SLC6A20: variants seen among roughly 807,000 people sequenced by gnomAD.
SLC6A20 encodes sodium- and chloride-dependent transporter XTRP3.
A neutral mutation model predicts 64.3 loss-of-function variants in SLC6A20; 73 were observed. That is an observed-to-expected ratio of 1.14 (90% CI 0.94 to 1.38). The LOEUF is 1.38. Among genes scored for constraint, SLC6A20 ranks in the 40% most tolerant of loss-of-function variants. The probability of loss-of-function intolerance (pLI) is 0.00; values close to 1 mark genes in which losing one functional copy is unlikely to be tolerated. For synonymous variants in SLC6A20, 347 were observed against 329.6 expected (o/e 1.05, Z -0.57); for missense variants, 725 against 772.8 (o/e 0.94, Z 0.73).
intron 8 of SLC6A20, among the ~76,000 whole-genome samples, chr3:45,764,566 A>G (rs1699741223): frequency 6.6e-6 from 1 of 152,084 alleles, no homozygotes; most frequent in African/African-American, 2.4e-5. Context: ...GCCAGGCATC[A>G]TGGTGTGCAC....
chr3:45,780,037 G>T lies in SLC6A20; in HGVS notation c.326C>A (p.Ala109Asp), dbSNP rs766752279. Reference protein sequence around the residue: ...SMYYNVINAWAFWYLFHSFQD... With the variant: ...SMYYNVINAWDFWYLFHSFQD... ...GAAGGAGTGGAAGAGGTACCAGAAG[G>T]CCCAGGCGTTGATGACGTTGTAGTA... The change falls in exon 3 of 11, where the codon GCC becomes GAC. Residue 109 changes from alanine to aspartate, a missense_variant. Physicochemically the swap from Ala to Asp is moderately radical, Grantham distance 126. Transcript: ENST00000358525. 20 of 1,604,954 alleles carry T rather than the reference G, an allele frequency of 1.2e-5. No homozygotes were observed. Among genetic ancestry groups the T allele is most frequent in the Admixed American group, 1.2e-4 (7 of 58,996 alleles).
At chr3:45,773,418 T>A (rs1185255655) in intron 4 of SLC6A20, among the ~76,000 whole-genome samples, 1 of 152,214 alleles carries the variant, frequency 6.6e-6, no homozygotes, top group Non-Finnish European at 1.5e-5. Flanking sequence ...TTTGTTAATA[T>A]CTTTGGTGTT....
In SLC6A20 at chr3:45,796,371, C is replaced by T; in HGVS notation, c.49G>A (p.Ala17Thr). Residue 17 changes from alanine to threonine, a missense_variant, in exon 1 of 11, where the codon GCC (alanine) becomes ACC (threonine). Ala to Thr is a moderately conservative substitution (Grantham distance 58). Coordinates refer to ENST00000358525, the MANE Select transcript of SLC6A20 (RefSeq NM_020208.4). ...AGGCCCACGGCGTACGAGATGCAGG[C>T]GAACACGAACTGTAGCGAGTTGGCC... Reference protein sequence around the residue: ...LWANSLQFVFACISYAVGLGN... With the variant: ...LWANSLQFVFTCISYAVGLGN... 6.2e-7 allele frequency: 1 copy of T among 1,613,016 alleles called. No homozygotes were observed. The highest frequency in any genetic ancestry group is 1.6e-4 in the Middle Eastern group (1 of 6,062).
At chr3:45,781,063 T>C (rs1026142412) in intron 2 of SLC6A20, among the ~76,000 whole-genome samples, 4 of 152,012 alleles carry the variant, frequency 2.6e-5, no homozygotes, top group Non-Finnish European at 4.4e-5. Context: ...CTACTAAAAA[T>C]ACAAAAAATT....
At chr3:45,793,342 A>G (rs2125659630) in intron 1 of SLC6A20, among the ~76,000 whole-genome samples, 2 of 152,340 alleles carry the variant, frequency 1.3e-5, no homozygotes, top group Middle Eastern at 3.4e-3. Context: ...TAGTTAGTGC[A>G]GTATTTGCTT....
intron 1 of SLC6A20, 109 bp from the exon 2 acceptor site, chr3:45,782,332 A>G: frequency 7.1e-7 from 1 of 1,409,316 alleles, no homozygotes; most frequent in African/African-American, 1.4e-5. Context: ...CTACTTGTCC[A>G]TGCATTCTCC....
Position 45,796,496 on chromosome 3 carries a change from C to T in SLC6A20, c.-77G>A. ...CTCAGTGCGCGGTCGCCAGGCGCGC[C>T]GTCCCACCCCGGCTCGGCTTGGGGG... On this transcript the variant is annotated 5_prime_UTR_variant, in exon 1 of 11. Coordinates refer to ENST00000358525, the MANE Select transcript of SLC6A20 (RefSeq NM_020208.4). 2 of 1,446,530 alleles carry T rather than the reference C, an allele frequency of 1.4e-6. No homozygotes were observed. Among genetic ancestry groups the T allele is most frequent in the Middle Eastern group, 1.8e-4 (1 of 5,586 alleles). 89.6% of individuals were successfully genotyped at this position (1,446,530 alleles called of 1,614,324 possible). A position where few individuals can be genotyped will look rare whatever the true frequency, so the allele number is the denominator to read the frequency against.
At position 45,758,917 on chromosome 3, in the gene SLC6A20, C is replaced by T. The variant is rs568886471; in HGVS notation, c.*61G>A. ...TGGCTTAAGCATTTGAAAAAGCAGC[C>T]GAGGAGTTTCCGCCTGTAAATAGTA... On this transcript the variant is annotated 3_prime_UTR_variant, in exon 11 of 11. Coordinates refer to ENST00000358525, the MANE Select transcript of SLC6A20 (RefSeq NM_020208.4). 128 of 1,516,964 alleles carry T rather than the reference C, an allele frequency of 8.4e-5. No individual in the cohort carries two copies. In the African/African-American group the frequency reaches 1.7e-3, roughly 20 times the overall value. 94.0% of individuals were successfully genotyped at this position (1,516,964 alleles called of 1,614,324 possible).
At chr3:45,778,292 G>A (rs908365904) in intron 3 of SLC6A20, among the ~76,000 whole-genome samples, 16 of 152,196 alleles carry the variant, frequency 1.1e-4, no homozygotes, top group African/African-American at 3.1e-4. Context: ...GCTCAGCCTC[G>A]TGGGGTGGCT....
Position 45,796,283 on chromosome 3 carries a change from C to G in SLC6A20, c.121+16G>C, listed in dbSNP as rs767484223. ...GCACAGAGTTGGGCTGGGGCCGGGG[C>G]GCGGTGGGCACTCACCTCCGCCGTA... On this transcript the variant is annotated intron_variant, in intron 1 of 10. Transcript: ENST00000358525. The G allele has an allele frequency of 3.1e-6, 5 of 1,590,358 alleles. No individual in the cohort carries two copies. Among genetic ancestry groups the G allele is most frequent in the Non-Finnish European group, 4.3e-6 (5 of 1,168,780 alleles).
At chr3:45,771,688 C>T in intron 5 of SLC6A20, 2 of 645,484 alleles carry the variant, frequency 3.1e-6, no homozygotes, top group Middle Eastern at 4.3e-4. Context: ...GTGGAGAATA[C>T]AGGTGCTATG....
At chr3:45,773,614 G>A (rs911575293) in intron 4 of SLC6A20, among the ~76,000 whole-genome samples, 4 of 152,214 alleles carry the variant, frequency 2.6e-5, no homozygotes, top group East Asian at 1.9e-4. Context: ...TGTCTTTTGT[G>A]TAAGAGTTCC....
Position 45,796,289 on chromosome 3 carries a change from G to A in SLC6A20, c.121+10C>T. 1.3e-6 allele frequency: 2 copies of A among 1,597,504 alleles called. No individual in the cohort carries two copies. The highest frequency in any genetic ancestry group is 1.7e-6 in the Non-Finnish European group (2 of 1,172,380). On this transcript the variant is annotated intron_variant, in intron 1 of 10. Transcript: ENST00000358525. ...AGTTGGGCTGGGGCCGGGGCGCGGT[G>A]GGCACTCACCTCCGCCGTACATCTG...
intron 1 of SLC6A20, among the ~76,000 whole-genome samples, chr3:45,792,883 TG>T (rs1184235178): frequency 6.6e-6 from 1 of 152,170 alleles, no homozygotes; most frequent in Non-Finnish European, 1.5e-5. Flanking sequence ...CTGCCGGGCC[TG>T]GGGCCACAGA....
At chr3:45,768,138 A>T (rs1167202891) in intron 7 of SLC6A20, among the ~76,000 whole-genome samples, 2 of 152,238 alleles carry the variant, frequency 1.3e-5, no homozygotes, top group Admixed American at 1.3e-4. Context: ...ACTAGAAAAC[A>T]ATCATTTAAA....
At position 45,793,579 on chromosome 3, in the gene SLC6A20, G is replaced by A. The variant is rs893665495; in HGVS notation, c.121+2720C>T. ...CTTCAGAATTAACATTCCTCATGCC[G>A]GGCCGGGCCTGGCCTGGGGAGCAGG... On this transcript the variant is annotated intron_variant, in intron 1 of 10. Transcript: ENST00000358525. 3.9e-5 allele frequency among the ~76,000 whole-genome samples: 6 copies of A among 151,988 alleles called. No homozygotes were observed. The South Asian group carries it at 6.2e-4, about 16-fold the overall frequency.
intron 1 of SLC6A20, among the ~76,000 whole-genome samples, chr3:45,786,283 C>T (rs1010837365): frequency 1.3e-5 from 2 of 152,192 alleles, no homozygotes; most frequent in East Asian, 3.8e-4. Flanking sequence ...TTGACTGTCC[C>T]ACTGATGTCC....
intron 1 of SLC6A20, chr3:45,791,569 C>T (rs1296915511): frequency 6.6e-6 from 1 of 152,368 alleles, no homozygotes; most frequent in Non-Finnish European, 1.5e-5. Flanking sequence ...TCTGTTCTCA[C>T]ACTGCTGTAA....
At chr3:45,785,613 T>TTCTCTCTC (rs60563353) in intron 1 of SLC6A20, among the ~76,000 whole-genome samples, 2,520 of 141,042 alleles carry the variant, frequency 0.018, 46 homozygotes, top group East Asian at 0.039. Context: ...AAACTCCCCT[T>TTCTCTCTC]TCTCTCTCTC....
Sources: gnomAD v4.1 joint callset for allele counts (sites outside exome capture counted in the v4.1 genomes callset) on GRCh38, gnomAD v4.1.1 for gene constraint, MANE v1.5 for transcripts, NCBI Gene and HGNC (gene_info 2026-07-23, HGNC 2026-07-21) for gene names.